Variants in STARD3NL observed in about 807,000 individuals in gnomAD.
The protein encoded by STARD3NL is STARD3 N-terminal-like protein.
In STARD3NL, 17 loss-of-function variants were observed where a neutral mutation model predicts 30.9. The ratio of observed to expected loss-of-function variants is 0.55; its 90% confidence interval spans 0.38 to 0.82. The LOEUF is 0.82. Ranked by LOEUF, STARD3NL falls within the 40% of genes least tolerant of loss-of-function variation. STARD3NL has a pLI of 0.00. For missense variants in STARD3NL, 234 were observed against 277.6 expected (o/e 0.84, Z 1.12); for synonymous variants, 112 against 100.5 (o/e 1.11, Z -0.69).
At chr7:38,193,730 G>A (rs547478241) in intron 1 of STARD3NL, among the ~76,000 whole-genome samples, 1 of 152,178 alleles carries the variant, frequency 6.6e-6, no homozygotes. Context: ...TCAGCATTGT[G>A]CCTGACACAG....
At chr7:38,193,800 G>A (rs1240154226) in intron 1 of STARD3NL, among the ~76,000 whole-genome samples, 1 of 152,132 alleles carries the variant, frequency 6.6e-6, no homozygotes, top group East Asian at 1.9e-4. Flanking sequence ...GATATACAAT[G>A]TTATGTAATA....
chr7:38,216,854 C>T (rs985496988), intron 4 of STARD3NL, 171 bp from the exon 5 acceptor site: 2 of 673,832 alleles, frequency 3.0e-6, no homozygotes, highest in African/African-American at 3.6e-5. Context: ...CCATTTTGCC[C>T]CAGTGTGGGT....
chr7:38,185,806 G>A (rs1343619568), intron 1 of STARD3NL, among the ~76,000 whole-genome samples: 2 of 151,930 alleles, frequency 1.3e-5, no homozygotes, highest in East Asian at 3.8e-4. Flanking sequence ...AAGAATGTGT[G>A]GTGAACACCT....
At chr7:38,217,379 G>A (rs1458146238) in intron 6 of STARD3NL, 74 bp downstream of exon 6, 1 of 1,398,946 alleles carries the variant, frequency 7.1e-7, no homozygotes, top group African/African-American at 1.4e-5. Context: ...TGGTTTCTTG[G>A]TGTGAATGGG....
At chr7:38,207,913 G>A (rs1785585283) in intron 2 of STARD3NL, among the ~76,000 whole-genome samples, 184 bp downstream of exon 2, 1 of 152,172 alleles carries the variant, frequency 6.6e-6, no homozygotes, top group African/African-American at 2.4e-5. Context: ...TAAGGCAAAT[G>A]TGATCAGTTT....
chr7:38,227,581 A>G (rs1786843290), intron 7 of STARD3NL, among the ~76,000 whole-genome samples: 2 of 152,330 alleles, frequency 1.3e-5, no homozygotes, highest in African/African-American at 2.4e-5. Flanking sequence ...AACAAGGTTC[A>G]GGCGTAGTTG....
chr7:38,192,449 G>A (rs538193460), intron 1 of STARD3NL, among the ~76,000 whole-genome samples: 7 of 152,294 alleles, frequency 4.6e-5, no homozygotes, highest in African/African-American at 1.7e-4. Flanking sequence ...TTTGAATTAA[G>A]GCTTATCAAG....
intron 6 of STARD3NL, among the ~76,000 whole-genome samples, chr7:38,218,171 T>A (rs1479886842): frequency 6.6e-6 from 1 of 152,124 alleles, no homozygotes; most frequent in South Asian, 2.1e-4. Context: ...TTTCAAGACA[T>A]GCTGTTTTTA....
At chr7:38,180,506 C>G (rs559678547) in intron 1 of STARD3NL, among the ~76,000 whole-genome samples, 1 of 152,142 alleles carries the variant, frequency 6.6e-6, no homozygotes, top group East Asian at 1.9e-4. Flanking sequence ...AGGAACATAA[C>G]GCTTGCCTTT....
chr7:38,223,490 A>G (rs962737471), intron 7 of STARD3NL, among the ~76,000 whole-genome samples: 8 of 152,184 alleles, frequency 5.3e-5, no homozygotes, highest in South Asian at 2.1e-4. Flanking sequence ...GAATTGCTCA[A>G]TTGCATAATA....
chr7:38,187,033 A>G (rs1398691308), intron 1 of STARD3NL, among the ~76,000 whole-genome samples: 2 of 152,068 alleles, frequency 1.3e-5, no homozygotes, highest in African/African-American at 2.4e-5. Flanking sequence ...TCTAAAAAAA[A>G]AAAAGAGAAA....
chr7:38,228,394 C>T (rs772462522), intron 7 of STARD3NL, among the ~76,000 whole-genome samples: 3 of 152,186 alleles, frequency 2.0e-5, no homozygotes, highest in Non-Finnish European at 2.9e-5. Context: ...TCTCACTGCT[C>T]TCTCGCTCGT....
intron 1 of STARD3NL, among the ~76,000 whole-genome samples, chr7:38,204,669 A>C (rs958530037): frequency 2.6e-5 from 4 of 152,172 alleles, no homozygotes; most frequent in Non-Finnish European, 4.4e-5. Flanking sequence ...GACACAAAAA[A>C]CCCTTCAAAA....
At chr7:38,187,585 G>A (rs572575489) in intron 1 of STARD3NL, among the ~76,000 whole-genome samples, 1 of 151,986 alleles carries the variant, frequency 6.6e-6, no homozygotes, top group South Asian at 2.1e-4. Context: ...ACTTACATAG[G>A]GCCCACTTCA....
At chr7:38,187,945 C>A (rs1349686857) in intron 1 of STARD3NL, among the ~76,000 whole-genome samples, 1 of 152,130 alleles carries the variant, frequency 6.6e-6, no homozygotes, top group Non-Finnish European at 1.5e-5. Flanking sequence ...AATCTGTCGC[C>A]AAATGCTTTG....
intron 1 of STARD3NL, among the ~76,000 whole-genome samples, chr7:38,179,369 A>G (rs1003379766): frequency 1.3e-5 from 2 of 152,258 alleles, no homozygotes; most frequent in Non-Finnish European, 2.9e-5. Context: ...ATGAAAACAT[A>G]CAATATGTTG....
chr7:38,226,152 GTT>G (rs11286474), intron 7 of STARD3NL, among the ~76,000 whole-genome samples: 20,535 of 101,344 alleles, frequency 0.2, 1,410 homozygotes, highest in Admixed American at 0.31. Flanking sequence ...TGCCTATCTT[GTT>G]TTTTTTTTTT....
At chr7:38,210,631 G>C (rs1785743414) in intron 2 of STARD3NL, among the ~76,000 whole-genome samples, 1 of 152,156 alleles carries the variant, frequency 6.6e-6, no homozygotes, top group Non-Finnish European at 1.5e-5. Context: ...GATTTCCCAA[G>C]TTGGATCTGG....
At chr7:38,186,633 A>G (rs939233660) in intron 1 of STARD3NL, among the ~76,000 whole-genome samples, 1 of 152,202 alleles carries the variant, frequency 6.6e-6, no homozygotes, top group Non-Finnish European at 1.5e-5. Flanking sequence ...TAGATATGCA[A>G]ATACTTCTCA....
Sources: gnomAD v4.1 joint callset for allele counts (sites outside exome capture counted in the v4.1 genomes callset) on GRCh38, gnomAD v4.1.1 for gene constraint, MANE v1.5 for transcripts, NCBI Gene and HGNC (gene_info 2026-07-23, HGNC 2026-07-21) for gene names.